The following RBMS3 variants were observed in gnomAD, a reference collection of about 807,000 sequenced individuals.
RBMS3 encodes RNA-binding motif, single-stranded-interacting protein 3.
RBMS3 carries 27 observed loss-of-function variants against 66.8 expected under a neutral mutation model. The observed-to-expected ratio is 0.40, with a 90% CI of 0.30 to 0.56. The LOEUF is 0.56. Among genes scored for constraint, RBMS3 ranks in the 20% least tolerant of loss-of-function variants. The pLI, the probability that RBMS3 is intolerant of heterozygous loss-of-function variation, is 0.40. For missense variants in RBMS3, 513 were observed against 549.5 expected (o/e 0.93, Z 0.66); for synonymous variants, 188 against 183.0 (o/e 1.03, Z -0.22).
At chr3:29,642,503 A>C (rs1339269289) in intron 4 of RBMS3, among the ~76,000 whole-genome samples, 1 of 152,084 alleles carries the variant, frequency 6.6e-6, no homozygotes, top group Non-Finnish European at 1.5e-5. Flanking sequence ...GTACCACCAA[A>C]AAGCATTTCA....
intron 1 of RBMS3, among the ~76,000 whole-genome samples, chr3:29,413,970 C>G (rs2040377373): frequency 1.3e-5 from 2 of 152,256 alleles, no homozygotes; most frequent in Non-Finnish European, 2.9e-5. Context: ...TACACATAGA[C>G]ACATCTATGC....
At chr3:29,894,903 A>C (rs1362466516) in intron 8 of RBMS3, among the ~76,000 whole-genome samples, 1 of 151,570 alleles carries the variant, frequency 6.6e-6, no homozygotes, top group East Asian at 2.0e-4. Context: ...AGGTAGAGAG[A>C]ATTTCAAGTT....
chr3:29,608,484 A>G lies in RBMS3; in HGVS notation c.399+21279A>G, dbSNP rs941923617. 2.9e-4 allele frequency among the ~76,000 whole-genome samples: 44 copies of G among 152,148 alleles called. 1 individual carries two copies. The East Asian group carries it at 5.4e-3, about 19-fold the overall frequency. On this transcript the variant is annotated intron_variant, in intron 4 of 14. Transcript: ENST00000383767. ...TGCTGCTTAAAGTCAAGATTATACA[A>G]TTACACAGAAAATGTTCCAAGCTAA... is the stretch of plus-strand genomic sequence containing the variant.
intron 4 of RBMS3, among the ~76,000 whole-genome samples, chr3:29,609,418 G>A (rs1047738923): frequency 6.6e-6 from 1 of 151,968 alleles, no homozygotes; most frequent in Admixed American, 6.6e-5. Context: ...GGATTGTACA[G>A]TGATTCTGGG....
intron 1 of RBMS3, among the ~76,000 whole-genome samples, chr3:29,335,537 T>C (rs2035896286): frequency 6.6e-6 from 1 of 152,206 alleles, no homozygotes; most frequent in East Asian, 1.9e-4. Flanking sequence ...GCAAATGTGC[T>C]TAAAGCAGCT....
intron 1 of RBMS3, among the ~76,000 whole-genome samples, chr3:29,403,586 G>A (rs1032763047): frequency 5.3e-5 from 8 of 152,028 alleles, no homozygotes; most frequent in African/African-American, 1.9e-4. Flanking sequence ...GAAGCAATGG[G>A]ATTTCTAAAA....
At chr3:29,628,651 C>T (rs921276431) in intron 4 of RBMS3, among the ~76,000 whole-genome samples, 6 of 151,888 alleles carry the variant, frequency 4.0e-5, no homozygotes, top group African/African-American at 4.8e-5. Flanking sequence ...CATCAGTATA[C>T]GTTTCATATG....
chr3:29,910,994 A>G (rs546845306), intron 10 of RBMS3, among the ~76,000 whole-genome samples: 2 of 152,188 alleles, frequency 1.3e-5, no homozygotes, highest in African/African-American at 2.4e-5. Flanking sequence ...TTCCCTCCCA[A>G]TAAGACTCTG....
intron 4 of RBMS3, among the ~76,000 whole-genome samples, chr3:29,637,131 T>C (rs1327976685): frequency 6.6e-6 from 1 of 151,902 alleles, no homozygotes; most frequent in Non-Finnish European, 1.5e-5. Context: ...TTTCCATTTT[T>C]TTCTTGTTGC....
intron 12 of RBMS3, among the ~76,000 whole-genome samples, chr3:29,949,058 T>A (rs941055799): frequency 1.3e-5 from 2 of 151,652 alleles, no homozygotes; most frequent in African/African-American, 4.8e-5. Flanking sequence ...CTGGTGCATT[T>A]ATTTTGTTCG....
chr3:29,507,200 A>T (rs1426953001), intron 3 of RBMS3, among the ~76,000 whole-genome samples: 1 of 151,876 alleles, frequency 6.6e-6, no homozygotes, highest in East Asian at 1.9e-4. Context: ...TTAAAAAAAA[A>T]TGAGGTTCTT....
intron 7 of RBMS3, among the ~76,000 whole-genome samples, chr3:29,880,229 T>C (rs2059704333): frequency 1.3e-5 from 2 of 152,118 alleles, no homozygotes; most frequent in Non-Finnish European, 2.9e-5. Context: ...ATGACAAAAA[T>C]ACCCCACTTT....
At chr3:29,824,705 T>G (rs886471066) in intron 6 of RBMS3, among the ~76,000 whole-genome samples, 5 of 152,184 alleles carry the variant, frequency 3.3e-5, no homozygotes, top group Non-Finnish European at 5.9e-5. Flanking sequence ...TGTACAAACT[T>G]GGAAATTAGT....
chr3:29,884,615 AG>A (rs1179031942), intron 8 of RBMS3, among the ~76,000 whole-genome samples: 1 of 151,612 alleles, frequency 6.6e-6, no homozygotes, highest in Non-Finnish European at 1.5e-5. Flanking sequence ...TCTGGTGATC[AG>A]GGGAATGGTA....
chr3:29,914,177 A>G (rs1476774955), intron 10 of RBMS3, among the ~76,000 whole-genome samples: 1 of 151,976 alleles, frequency 6.6e-6, no homozygotes, highest in African/African-American at 2.4e-5. Context: ...ATTAGTAAGG[A>G]AGAGAATATG....
At chr3:29,323,825 T>A (rs958032129) in intron 1 of RBMS3, among the ~76,000 whole-genome samples, 2 of 152,114 alleles carry the variant, frequency 1.3e-5, no homozygotes, top group Non-Finnish European at 2.9e-5. Flanking sequence ...GATTTTTATT[T>A]AAGCTTGTAC....
At chr3:29,638,949 A>G (rs1211631612) in intron 4 of RBMS3, among the ~76,000 whole-genome samples, 3 of 151,874 alleles carry the variant, frequency 2.0e-5, no homozygotes. Context: ...AAATATTTTG[A>G]TTCCTGTATC....
intron 1 of RBMS3, among the ~76,000 whole-genome samples, chr3:29,375,991 A>G (rs923091457): frequency 1.3e-5 from 2 of 152,338 alleles, no homozygotes; most frequent in South Asian, 2.1e-4. Flanking sequence ...AATGTGGTAC[A>G]TATACAATAT....
At chr3:29,831,761 T>C (rs184980534) in intron 6 of RBMS3, among the ~76,000 whole-genome samples, 9 of 152,250 alleles carry the variant, frequency 5.9e-5, no homozygotes, top group African/African-American at 2.2e-4. Flanking sequence ...AGCTGTTAGA[T>C]TGATTTTTCC....
Sources: allele counts gnomAD v4.1 joint callset (sites outside exome capture counted in the v4.1 genomes callset), GRCh38; gene constraint gnomAD v4.1.1; transcripts MANE v1.5; gene names NCBI Gene and HGNC (gene_info 2026-07-23, HGNC 2026-07-21).